PARP9: variants seen among roughly 807,000 people sequenced by gnomAD.
The protein encoded by PARP9 is poly(ADP-ribose) polymerase family member 9, also known as protein mono-ADP-ribosyltransferase PARP9.
A neutral mutation model predicts 68.8 loss-of-function variants in PARP9; 48 were observed. The ratio of observed to expected loss-of-function variants is 0.70; its 90% CI spans 0.55 to 0.89. PARP9 has a LOEUF of 0.89. Among genes scored for constraint, PARP9 ranks in the 40% least tolerant of loss-of-function variants. PARP9 has a pLI of 0.00. For missense variants in PARP9, 806 were observed against 969.3 expected, an observed-to-expected ratio of 0.83 and a Z score of 2.24; for synonymous variants, 309 against 333.8, an observed-to-expected ratio of 0.93 and a Z score of 0.81.
chr3:122,555,990 C>A lies in PARP9; in HGVS notation c.181G>T (p.Val61Phe). 6.2e-7 allele frequency: 1 copy of A among 1,613,738 alleles called. No homozygotes were observed. The highest frequency in any genetic ancestry group is 1.1e-5 in the South Asian group (1 of 91,054). The change falls in exon 4 of 11, where the codon GTC becomes TTC. Residue 61 changes from valine (V) to phenylalanine (F), a missense_variant. Val to Phe is a conservative substitution (Grantham distance 50). Transcript: ENST00000682323. The stretch of plus-strand genomic sequence containing the variant: ...CTGTTGCCTTCCTGAACTGGAGAGA[C>A]CAGGGTAGAGATACAGCCAAACTTA... ...QNKFGCISTL[V>F]SPVQEGNSKS...
rs2079110615 is a variant in PARP9, at chr3:122,550,474, AG to A, written c.1326+109del. The A allele has an allele frequency of 7.9e-6, 7 of 889,282 alleles. No individual in the cohort carries two copies. In the East Asian group the frequency reaches 1.3e-4, roughly 17 times the overall value. The allele number at this position is 889,282 out of a possible 1,614,324, so 55.1% of individuals were successfully genotyped here. On this transcript the variant is annotated intron_variant, in intron 6 of 10. Transcript: ENST00000682323. The stretch of plus-strand genomic sequence containing the variant: ...AAGTTAGAACACCACCACACTGTAC[AG>A]CACCTAGCCCTGCATCCCCTGCATC...
intron 4 of PARP9, 105 bp from the exon 5 acceptor site, chr3:122,552,744 G>A: frequency 1.2e-6 from 1 of 801,902 alleles, no homozygotes; most frequent in Non-Finnish European, 1.9e-6. Context: ...ACTCTTTGAA[G>A]ATCCTAAATT....
chr3:122,538,692 A>ACACACT (rs397878021), intron 8 of PARP9, among the ~76,000 whole-genome samples: 14 of 145,790 alleles, frequency 9.6e-5, no homozygotes, highest in African/African-American at 3.5e-4. Context: ...ACACACACAC[A>ACACACT]CTCTAACAAA....
chr3:122,564,071 G>GT, intron 1 of PARP9, 174 bp downstream of exon 1: 1 of 253,866 alleles, frequency 3.9e-6, no homozygotes, highest in South Asian at 9.0e-5. Context: ...GGTAACAGCA[G>GT]TAAGAGTTAC....
chr3:122,539,563 C>CTTTCT (rs202002355), intron 8 of PARP9, among the ~76,000 whole-genome samples: 1 of 80,602 alleles, frequency 1.2e-5, no homozygotes, highest in East Asian at 4.5e-4. Context: ...TTCTTTCTTT[C>CTTTCT]TTTCTTTTTT....
At chr3:122,553,621 T>C (rs1210532176) in intron 4 of PARP9, among the ~76,000 whole-genome samples, 1 of 152,234 alleles carries the variant, frequency 6.6e-6, no homozygotes, top group African/African-American at 2.4e-5. Flanking sequence ...AAATATTTCA[T>C]TTCATGAACT....
intron 6 of PARP9, among the ~76,000 whole-genome samples, chr3:122,549,792 A>G (rs996302548): frequency 1.3e-5 from 2 of 152,132 alleles, no homozygotes; most frequent in African/African-American, 4.8e-5. Flanking sequence ...TTAAAAAAAA[A>G]AAGAGAGAGA....
rs568665447 is a variant in PARP9 at position 122,537,055 on chromosome 3, T to G, written c.1784A>C (p.Gln595Pro). 2.2e-5 allele frequency: 35 copies of G among 1,613,492 alleles called. No homozygotes were observed. The South Asian group carries it at 2.5e-4, about 12-fold the overall frequency. ...WRSLGQWTIQ[Q>P]QKTQDEMKEN... is the part of the protein sequence containing the mutation. The stretch of plus-strand genomic sequence containing the variant: ...TTTCATTTCGTCTTGGGTTTTTTGT[T>G]GCTGAATAGTCCACTGTCCTAAAAA... The change falls in exon 9 of 11, where the codon CAA (glutamine) becomes CCA (proline). Residue 595 changes from glutamine to proline, a missense_variant. Gln to Pro is a moderately conservative substitution (Grantham distance 76). Transcript: ENST00000682323.
intron 3 of PARP9, among the ~76,000 whole-genome samples, chr3:122,557,126 G>C (rs1432688491): frequency 1.3e-5 from 2 of 151,936 alleles, no homozygotes; most frequent in Non-Finnish European, 2.9e-5. Flanking sequence ...ATCAATTGAT[G>C]GTAAGCCCCA....
intron 9 of PARP9, 168 bp downstream of exon 9, chr3:122,536,766 A>T: frequency 1.4e-6 from 1 of 731,908 alleles, no homozygotes; most frequent in Non-Finnish European, 2.2e-6. Flanking sequence ...TTCCAACTAT[A>T]TCCCTCGTGC....
intron 6 of PARP9, among the ~76,000 whole-genome samples, chr3:122,549,965 C>T (rs947414351): frequency 6.6e-6 from 1 of 152,136 alleles, no homozygotes; most frequent in Non-Finnish European, 1.5e-5. Context: ...GCAAGGACCC[C>T]ACACTGAAAC....
chr3:122,559,545 T>C (rs2080009430), intron 2 of PARP9, 61 bp downstream of exon 2: 3 of 1,497,084 alleles, frequency 2.0e-6, no homozygotes, highest in Admixed American at 2.1e-5. Context: ...CTTGCTGTTA[T>C]ATAAAGAAGT....
chr3:122,564,199 G>A, intron 1 of PARP9, 46 bp downstream of exon 1: 1 of 521,682 alleles, frequency 1.9e-6, no homozygotes, highest in Non-Finnish European at 3.3e-6. Flanking sequence ...CCTCGAGCCT[G>A]CAGGAGAGGG....
At chr3:122,534,159 A>T in intron 10 of PARP9, 2 of 810,520 alleles carry the variant, frequency 2.5e-6, no homozygotes, top group Non-Finnish European at 3.0e-6. Context: ...CTATATGGAG[A>T]CAAGATCTGT....
At chr3:122,561,759 T>G (rs934886376) in intron 1 of PARP9, among the ~76,000 whole-genome samples, 2 of 152,216 alleles carry the variant, frequency 1.3e-5, no homozygotes, top group African/African-American at 2.4e-5. Flanking sequence ...ATCTCATCCA[T>G]TTCCATGGCT....
chr3:122,555,959 G>C lies in PARP9; in HGVS notation c.212C>G (p.Ser71Cys). The C allele has an allele frequency of 1.2e-6, 2 of 1,613,900 alleles. No homozygotes were observed. The highest frequency in any genetic ancestry group is 2.2e-5 in the South Asian group (2 of 91,074). The change falls in exon 4 of 11, where the codon TCT becomes TGT. Residue 71 changes from serine (S) to cysteine (C), a missense_variant. Transcript: ENST00000682323. ...CAGCATTTTTCTGAACACTTGCAGAGATTTGCTGTTGCCTTCCTGAACTGG... is the reference window on the plus strand; with the variant it reads ...CAGCATTTTTCTGAACACTTGCAGACATTTGCTGTTGCCTTCCTGAACTGG... ...VSPVQEGNSK[S>C]LQVFRKMLTP...
At position 122,550,763 on chromosome 3, in the gene PARP9, T is replaced by C. The variant is rs747322912; in HGVS notation, c.1147A>G (p.Ile383Val). 6.2e-7 allele frequency: 1 copy of C among 1,614,154 alleles called. No individual in the cohort carries two copies. Among genetic ancestry groups the C allele is most frequent in the Non-Finnish European group, 8.5e-7 (1 of 1,180,010 alleles). ...GAAATGGAAGTTATATTTTGCTCAA[T>C]GCATTTTTCCAAACACTCCTTCATT... ...HAMKECLEKC[I>V]EQNITSISFP... Residue 383 changes from isoleucine (I) to valine (V), a missense_variant, in exon 6 of 11, where the codon ATT becomes GTT. Around this residue, in one of 2 missense-constraint regions of PARP9, gnomAD observed 680 missense variants for 858.8 expected, o/e 0.79. Transcript: ENST00000682323.
At chr3:122,546,761 A>G (rs1450620654) in intron 6 of PARP9, among the ~76,000 whole-genome samples, 2 of 151,862 alleles carry the variant, frequency 1.3e-5, no homozygotes, top group East Asian at 3.9e-4. Context: ...TTTCTGTTTA[A>G]TGGTTCAGAA....
At chr3:122,546,614 C>G (rs1382589703) in intron 6 of PARP9, among the ~76,000 whole-genome samples, 2 of 152,174 alleles carry the variant, frequency 1.3e-5, no homozygotes, top group Non-Finnish European at 2.9e-5. Flanking sequence ...GCACACATAC[C>G]TCCATGTGGA....
Sources: gnomAD v4.1 joint callset for allele counts (sites outside exome capture counted in the v4.1 genomes callset) on GRCh38, gnomAD v4.1.1 for gene constraint, gnomAD v4.1.1 regional missense constraint, MANE v1.5 for transcripts, NCBI Gene and HGNC (gene_info 2026-07-23, HGNC 2026-07-21) for gene names.